The following PCSK5 variants were observed in gnomAD, a reference collection of about 807,000 sequenced individuals.
PCSK5 encodes proprotein convertase subtilisin/kexin type 5, also known as prohormone convertase 5.
A neutral mutation model predicts 233.2 loss-of-function variants in PCSK5; 129 were observed. That is an observed-to-expected ratio of 0.55 (90% confidence interval 0.48 to 0.64). The LOEUF is 0.64. Ranked by LOEUF, PCSK5 falls within the 30% of genes least tolerant of loss-of-function variation. PCSK5 has a pLI of 0.00. For synonymous variants in PCSK5, 825 were observed against 879.2 expected (o/e 0.94, Z 1.09); for missense variants, 2,076 against 2,430.1 (o/e 0.85, Z 3.06).
chr9:75,899,091 T>TG (rs1175975869), intron 1 of PCSK5, among the ~76,000 whole-genome samples: 2 of 152,144 alleles, frequency 1.3e-5, no homozygotes, highest in African/African-American at 4.8e-5. Context: ...TTGTAGAGGA[T>TG]GATTCAATAG....
rs548462485 is a variant in PCSK5, at chr9:76,193,493, T to C, written c.2626+3747T>C. The C allele has an allele frequency of 1.4e-4, 89 of 657,198 alleles. No individual in the cohort carries two copies. In the African/African-American group the frequency reaches 1.5e-3, roughly 11 times the overall value. The allele number at this position is 657,198 out of a possible 1,614,324, so 40.7% of individuals were successfully genotyped here. ...TGCTCTCTTTTTCTTTCTCTCTCTC[T>C]CAAGTTTGTGCAGGGAGATGGTGAA... On this transcript the variant is annotated intron_variant, in intron 20 of 37. Transcript: ENST00000674117.
chr9:76,073,137 G>A (rs1347194214), intron 7 of PCSK5, among the ~76,000 whole-genome samples: 2 of 152,204 alleles, frequency 1.3e-5, no homozygotes, highest in African/African-American at 4.8e-5. Context: ...CCACAGGGTT[G>A]TTAAATATCC....
intron 3 of PCSK5, among the ~76,000 whole-genome samples, chr9:75,986,468 C>T (rs1826520147): frequency 6.6e-6 from 1 of 152,232 alleles, no homozygotes; most frequent in Non-Finnish European, 1.5e-5. Flanking sequence ...GGAGTTCCGA[C>T]TCACAGAAAT....
In PCSK5 at chr9:76,282,120, C is replaced by CTTT. The variant is rs71372059; in HGVS notation, c.3143-10088_3143-10086dup. On this transcript the variant is annotated intron_variant, in intron 24 of 37. Transcript: ENST00000674117. ...CTGGAGTGCACCATTCTTTTCTTTG[C>CTTT]TTTTTTTTTTTTTTTTTTTTTTTTT... is the stretch of plus-strand genomic sequence containing the variant. 9.0e-4 allele frequency among the ~76,000 whole-genome samples: 13 copies of CTTT among 14,510 alleles called. 6 individuals are homozygous for CTTT. Among genetic ancestry groups the CTTT allele is most frequent in the Non-Finnish European group, 1.1e-3 (8 of 7,350 alleles). The allele number at this position is 14,510 out of a possible 152,430, so 9.5% of individuals were successfully genotyped here. A position where few individuals can be genotyped will look rare whatever the true frequency, so the allele number is the denominator to read the frequency against.
rs560660398 is a variant in PCSK5, at chr9:76,117,167, C to T, written c.1208+9816C>T. ...AGCTAGTTTGGTATGTGCCTGGCACCGTGCTAAGAACTAGAATACATCTAT... is the reference window on the plus strand; with the variant it reads ...AGCTAGTTTGGTATGTGCCTGGCACTGTGCTAAGAACTAGAATACATCTAT... On this transcript the variant is annotated intron_variant, in intron 9 of 37. Coordinates refer to ENST00000674117, the MANE Select transcript of PCSK5 (RefSeq NM_001372043.1). Among the ~76,000 whole-genome samples the T allele has an allele frequency of 1.2e-4, 19 of 152,024 alleles. No homozygotes were observed. In the South Asian group the frequency reaches 3.5e-3, roughly 28 times the overall value.
chr9:76,166,641 C>T (rs970669567), intron 12 of PCSK5, among the ~76,000 whole-genome samples: 2 of 152,202 alleles, frequency 1.3e-5, no homozygotes, highest in African/African-American at 2.4e-5. Flanking sequence ...TCTGTCTAAA[C>T]TGTTTGGGAA....
intron 20 of PCSK5, among the ~76,000 whole-genome samples, chr9:76,199,634 A>T (rs1438331440): frequency 6.6e-6 from 1 of 152,088 alleles, no homozygotes; most frequent in Non-Finnish European, 1.5e-5. Flanking sequence ...TGGGGCGTGG[A>T]AGGGCAGCGT....
chr9:76,134,033 T>A (rs999435582), intron 9 of PCSK5, 76 bp from the exon 10 acceptor site: 28 of 1,032,204 alleles, frequency 2.7e-5, no homozygotes, highest in Admixed American at 1.4e-4. Flanking sequence ...TTTGCTTTTT[T>A]AATTTGCTTG....
intron 2 of PCSK5, among the ~76,000 whole-genome samples, chr9:75,937,180 CTTTT>C (rs35148539): frequency 5.1e-5 from 7 of 136,186 alleles, no homozygotes; most frequent in Admixed American, 7.6e-5. Context: ...TAGCATAATT[CTTTT>C]TTTTTTTTTT....
Position 76,361,433 on chromosome 9 carries a change from A to G in PCSK5, c.*2511A>G, listed in dbSNP as rs1395353254. On this transcript the variant is annotated 3_prime_UTR_variant, in exon 38 of 38. Transcript: ENST00000674117. ...ACTGCTGGCTCATGCCTGTAATCCC[A>G]GCACTCTGGGAGGCTAAGGCAGGAG... is the stretch of plus-strand genomic sequence containing the variant. 2 of 152,282 alleles carry G rather than the reference A, an allele frequency of 1.3e-5. No homozygotes were observed. The highest frequency in any genetic ancestry group is 2.9e-5 in the Non-Finnish European group (2 of 68,068). 9.4% of individuals were successfully genotyped at this position (152,282 alleles called of 1,614,324 possible).
intron 36 of PCSK5, 67 bp downstream of exon 36, chr9:76,350,995 A>G: frequency 2.5e-6 from 2 of 792,416 alleles, no homozygotes; most frequent in Non-Finnish European, 4.3e-6. Context: ...TACTTCCTGC[A>G]TGTCATTCTG....
chr9:76,035,399 C>A (rs1160664372), intron 5 of PCSK5, among the ~76,000 whole-genome samples: 1 of 152,032 alleles, frequency 6.6e-6, no homozygotes, highest in East Asian at 1.9e-4. Flanking sequence ...TTAATTATTC[C>A]CAGGCTCGTA....
chr9:76,151,933 C>T (rs538393724), intron 10 of PCSK5, among the ~76,000 whole-genome samples: 2 of 152,136 alleles, frequency 1.3e-5, no homozygotes, highest in South Asian at 4.1e-4. Context: ...AGAGTAGGTG[C>T]TTTACAACCT....
intron 22 of PCSK5, among the ~76,000 whole-genome samples, chr9:76,237,295 C>T (rs1826280528): frequency 1.3e-5 from 2 of 152,170 alleles, no homozygotes; most frequent in Admixed American, 1.3e-4. Flanking sequence ...CCTCTTCTTT[C>T]CTTAGAGGAT....
rs560528233 is a variant in PCSK5 at position 76,296,763 on chromosome 9, C to A, written c.3421C>A (p.Pro1141Thr). 1.2e-6 allele frequency: 2 copies of A among 1,611,734 alleles called. No individual in the cohort carries two copies. Among genetic ancestry groups the A allele is most frequent in the Non-Finnish European group, 1.7e-6 (2 of 1,178,966 alleles). The change falls in exon 27 of 38, where the codon CCT becomes ACT. Residue 1141 changes from proline (P) to threonine (T), a missense_variant. Pro to Thr is a conservative substitution (Grantham distance 38). Transcript: ENST00000674117. ...CHRACETCTG[P>T]GHDECSSCQE... ...CCGAGCATGCGAAACCTGCACAGGC[C>A]CTGGTCATGACGAGTGCAGCAGCTG...
chr9:76,293,429 C>A (rs1194568692), intron 25 of PCSK5, among the ~76,000 whole-genome samples: 1 of 152,174 alleles, frequency 6.6e-6, no homozygotes, highest in Non-Finnish European at 1.5e-5. Flanking sequence ...GCACTCCTGA[C>A]CCACTTTGTT....
At chr9:76,351,533 G>GAAGAAAGAAAGAAAGA in intron 36 of PCSK5, among the ~76,000 whole-genome samples, 1 of 15,850 alleles carries the variant, frequency 6.3e-5, no homozygotes, top group South Asian at 4.2e-3. Flanking sequence ...AGAAAGAAAG[G>GAAGAAAGAAAGAAAGA]AAGGAAAGAA....
At chr9:76,067,696 T>G (rs1165607130) in intron 5 of PCSK5, among the ~76,000 whole-genome samples, 2 of 152,232 alleles carry the variant, frequency 1.3e-5, no homozygotes, top group African/African-American at 4.8e-5. Context: ...AACGAAGGTT[T>G]TCTAACTTTT....
intron 24 of PCSK5, among the ~76,000 whole-genome samples, chr9:76,262,554 T>C (rs1587815575): frequency 2.7e-5 from 4 of 148,842 alleles, no homozygotes; most frequent in African/African-American, 1.0e-4. Context: ...TAAATGGTGC[T>C]GGGAAAACTG....
Sources: allele counts gnomAD v4.1 joint callset (sites outside exome capture counted in the v4.1 genomes callset), GRCh38; gene constraint gnomAD v4.1.1; transcripts MANE v1.5; gene names NCBI Gene and HGNC (gene_info 2026-07-23, HGNC 2026-07-21).